LINGO1: variants seen among roughly 807,000 people sequenced by gnomAD.
LINGO1 encodes leucine rich repeat and Ig domain containing 1.
A neutral mutation model predicts 37.3 loss-of-function variants in LINGO1; 11 were observed. The observed-to-expected ratio is 0.29, with a 90% CI of 0.19 to 0.49. The LOEUF (loss-of-function observed/expected upper bound fraction) is 0.49. Ranked by LOEUF, LINGO1 falls within the 20% of genes least tolerant of loss-of-function variation. LINGO1 has a pLI of 0.99. For missense variants in LINGO1, 585 were observed against 878.2 expected (o/e 0.67, Z 4.22); for synonymous variants, 387 against 403.0 (o/e 0.96, Z 0.48).
intron 3 of LINGO1, among the ~76,000 whole-genome samples, chr15:77,654,694 C>T (rs1042788923): frequency 2.0e-5 from 3 of 152,116 alleles, no homozygotes; most frequent in Non-Finnish European, 2.9e-5. Flanking sequence ...AGCTGGACAG[C>T]GCTGAGTTCT....
At chr15:77,747,194 C>A (rs530649633) in intron 1 of LINGO1, among the ~76,000 whole-genome samples, 1 of 152,334 alleles carries the variant, frequency 6.6e-6, no homozygotes, top group East Asian at 1.9e-4. Flanking sequence ...CTTGGTCCCC[C>A]GCCCAGGCCT....
In LINGO1 at chr15:77,794,288, ATG is replaced by A. The variant is rs1491370265; in HGVS notation, c.-343+1649_-343+1650del. Among the ~76,000 whole-genome samples the A allele has an allele frequency of 7.6e-3, 716 of 93,910 alleles. 85 individuals carry two copies. The highest frequency in any genetic ancestry group is 0.026 in the African/African-American group (622 of 23,498). The allele number at this position is 93,910 out of a possible 152,430, so 61.6% of individuals were successfully genotyped here. On this transcript the variant is annotated intron_variant, in intron 2 of 5. Coordinates refer to the LINGO1 transcript ENST00000562933. The stretch of plus-strand genomic sequence containing the variant: ...AGCAGAAACATATACATATATATAT[ATG>A]TATGTATATATATACATATATGTGT...
At chr15:77,765,304 A>T (rs1290116263) in intron 1 of LINGO1, among the ~76,000 whole-genome samples, 1 of 151,802 alleles carries the variant, frequency 6.6e-6, no homozygotes, top group African/African-American at 2.4e-5. Context: ...AATCCCAGTT[A>T]CTCTGGAGGC....
At chr15:77,647,956 TG>T (rs967826517) in intron 3 of LINGO1, 1 of 456,548 alleles carries the variant, frequency 2.2e-6, no homozygotes, top group Admixed American at 2.3e-5. Flanking sequence ...AACTGATGGA[TG>T]GACAGTGAGA....
chr15:77,780,291 A>C (rs1358182789), intron 1 of LINGO1, among the ~76,000 whole-genome samples: 1 of 152,156 alleles, frequency 6.6e-6, no homozygotes, highest in Non-Finnish European at 1.5e-5. Flanking sequence ...TGGGCCACTG[A>C]AAGGGAGAAC....
chr15:77,748,369 T>C (rs1337911598), intron 1 of LINGO1, among the ~76,000 whole-genome samples: 2 of 152,246 alleles, frequency 1.3e-5, no homozygotes, highest in Non-Finnish European at 2.9e-5. Flanking sequence ...GAGCCTCAGT[T>C]TCCCCATCTA....
chr15:77,647,777 C>T (rs1186753140), intron 3 of LINGO1: 6 of 443,108 alleles, frequency 1.4e-5, no homozygotes, highest in Non-Finnish European at 2.7e-5. Context: ...CCTCTCACCC[C>T]TCTCTCTCTT....
chr15:77,707,125 G>A (rs2075862439), intron 2 of LINGO1, among the ~76,000 whole-genome samples: 1 of 152,216 alleles, frequency 6.6e-6, no homozygotes, highest in Non-Finnish European at 1.5e-5. Context: ...CAGGCTGCAG[G>A]CTGCAGGCAG....
intron 1 of LINGO1, among the ~76,000 whole-genome samples, chr15:77,806,562 T>C (rs184282646): frequency 2.8e-4 from 43 of 152,184 alleles, no homozygotes; most frequent in Non-Finnish European, 3.4e-4. Flanking sequence ...TGTTTTCAGA[T>C]CTACCTAGGG....
Position 77,632,257 on chromosome 15 carries a change from GC to G in LINGO1, c.6+52del. On this transcript the variant is annotated intron_variant, in intron 1 of 1. Transcript: ENST00000355300. This position sits in a 1 kb window ranked among gnomAD's most constrained non-coding sequence, Gnocchi z 6.0. ...CCAGGGCCGATGGCGGCCCCCAGGG[GC>G]ACTCGCCGCGGGGCTGCCCGCTCGG... The G allele has an allele frequency of 7.5e-7, 1 of 1,341,342 alleles. No homozygotes were observed. The highest frequency in any genetic ancestry group is 9.5e-7 in the Non-Finnish European group (1 of 1,052,530). 83.1% of individuals were successfully genotyped at this position (1,341,342 alleles called of 1,614,324 possible).
intron 1 of LINGO1, among the ~76,000 whole-genome samples, chr15:77,814,377 T>A (rs149306415): frequency 5.9e-5 from 9 of 152,282 alleles, no homozygotes; most frequent in African/African-American, 2.2e-4. Context: ...TCTGCCTACT[T>A]TATTGGAACT....
chr15:77,741,455 G>C (rs938868406), intron 1 of LINGO1, among the ~76,000 whole-genome samples: 1 of 152,168 alleles, frequency 6.6e-6, no homozygotes, highest in South Asian at 2.1e-4. Context: ...ATACAGCAGA[G>C]GCCAGGGCTC....
intron 3 of LINGO1, among the ~76,000 whole-genome samples, chr15:77,650,284 G>C (rs79773084): frequency 0.015 from 2,238 of 152,244 alleles, 52 homozygotes; most frequent in African/African-American, 0.052. Context: ...ATGGAGGTTT[G>C]GAGTGAGGGG....
chr15:77,689,852 T>C (rs1481304261), intron 2 of LINGO1, among the ~76,000 whole-genome samples: 1 of 152,124 alleles, frequency 6.6e-6, no homozygotes, highest in Non-Finnish European at 1.5e-5. Flanking sequence ...AAACCAGCGA[T>C]GTCCCAAACT....
chr15:77,699,911 AG>A (rs2075761098), upstream of LINGO1, among the ~76,000 whole-genome samples: 1 of 152,228 alleles, frequency 6.6e-6, no homozygotes, highest in African/African-American at 2.4e-5. Flanking sequence ...CAATGTGATC[AG>A]GTCAGAATTC....
At chr15:77,666,010 T>C (rs1049123654) in intron 3 of LINGO1, among the ~76,000 whole-genome samples, 2 of 152,214 alleles carry the variant, frequency 1.3e-5, no homozygotes, top group Non-Finnish European at 2.9e-5. Context: ...ACCAAGGCCA[T>C]GGGCTCCCCC....
At chr15:77,783,722 T>C (rs527797347) in intron 1 of LINGO1, among the ~76,000 whole-genome samples, 13 of 152,292 alleles carry the variant, frequency 8.5e-5, no homozygotes, top group South Asian at 6.2e-4. Context: ...CCATGTCTTA[T>C]AGAGGAAGAA....
chr15:77,746,903 G>C (rs1055911085), intron 1 of LINGO1, among the ~76,000 whole-genome samples: 1 of 152,132 alleles, frequency 6.6e-6, no homozygotes. Context: ...GAAGGAGGGT[G>C]CTGAAAGGGG....
Position 77,677,505 on chromosome 15 carries a change from C to T in LINGO1, c.-98-331G>A, listed in dbSNP as rs193132784. Among the ~76,000 whole-genome samples the T allele has an allele frequency of 2.2e-3, 333 of 152,226 alleles. 2 individuals carry two copies. Among genetic ancestry groups the T allele is most frequent in the African/African-American group, 7.6e-3 (314 of 41,514 alleles). ...CACCTCTGCAAGTTTTGTTCACGTG[C>T]ACAGATACACAGATGGACAACCCCA... On this transcript the variant is annotated intron_variant, in intron 2 of 3. Coordinates refer to the LINGO1 transcript ENST00000559893.
Sources: gnomAD v4.1 joint callset for allele counts (sites outside exome capture counted in the v4.1 genomes callset) on GRCh38, gnomAD v4.1.1 for gene constraint, Gnocchi (gnomAD v3.1) non-coding constraint, MANE v1.5 for transcripts, NCBI Gene and HGNC (gene_info 2026-07-23, HGNC 2026-07-21) for gene names.